CRACDL: variants seen among roughly 807,000 people sequenced by gnomAD.
The protein encoded by CRACDL is CRACD-like protein.
CRACDL carries 26 observed loss-of-function variants against 70.6 expected under a neutral mutation model. The observed-to-expected ratio is 0.37, with a 90% CI of 0.27 to 0.51. The LOEUF (loss-of-function observed/expected upper bound fraction) is 0.51, where lower values mean the gene tolerates loss of function less well. Ranked by LOEUF, CRACDL falls within the 20% of genes least tolerant of loss-of-function variation. The pLI is 0.94. For missense variants in CRACDL, 1,283 were observed against 1,376.9 expected, an observed-to-expected ratio of 0.93 and a Z score of 1.08; for synonymous variants, 618 against 615.2, an observed-to-expected ratio of 1.00 and a Z score of -0.07.
At chr2:98,884,251 G>A (rs944367714) in intron 1 of CRACDL, among the ~76,000 whole-genome samples, 1 of 152,216 alleles carries the variant, frequency 6.6e-6, no homozygotes, top group Non-Finnish European at 1.5e-5. Context: ...CTCCTACACT[G>A]GCCAAATAAC....
chr2:98,813,233 C>G (rs1704644972), intron 7 of CRACDL, among the ~76,000 whole-genome samples: 1 of 152,102 alleles, frequency 6.6e-6, no homozygotes, highest in African/African-American at 2.4e-5. Flanking sequence ...GAGTTTGAGA[C>G]CAGCTTGACC....
rs1349593775 is a variant in CRACDL, at chr2:98,838,131, T to G, written c.227A>C (p.Glu76Ala). The G allele has an allele frequency of 1.9e-6, 3 of 1,606,516 alleles. No homozygotes were observed. Among genetic ancestry groups the G allele is most frequent in the African/African-American group, 1.3e-5 (1 of 74,380 alleles). Residue 76 changes from glutamate (E) to alanine (A), a missense_variant, in exon 3 of 10, where the codon GAG becomes GCG. By Grantham distance (107) the Glu-to-Ala change is moderately radical. This residue lies in a region of CRACDL where 362 missense variants were observed against 495.0 expected (regional missense o/e 0.73). Transcript: ENST00000397899. ...IESGPVGYDS[E>A]DELEESRGTL... ...AAATGCAACTTACTCCAGCTCATCC[T>G]CGGAGTCGTAGCCCACTGGCCCGGA... is the stretch of plus-strand genomic sequence containing the variant.
intron 7 of CRACDL, among the ~76,000 whole-genome samples, chr2:98,819,653 A>G (rs1704939415): frequency 6.6e-6 from 1 of 152,132 alleles, no homozygotes. Context: ...AAGAGCCAGA[A>G]AAGATTAGAC....
At position 98,823,139 on chromosome 2, in the gene CRACDL, T is replaced by C; in HGVS notation, c.1134A>G (p.Ala378=). The C allele has an allele frequency of 6.4e-7, 1 of 1,561,710 alleles. No individual in the cohort carries two copies. The highest frequency in any genetic ancestry group is 1.9e-5 in the Admixed American group (1 of 53,934). The change falls in exon 7 of 10, where the codon GCA becomes GCG. Residue 378 remains alanine, a synonymous_variant. Coordinates refer to ENST00000397899, the MANE Select transcript of CRACDL (RefSeq NM_207362.3). The surrounding 1 kb of genome is among the most constrained non-coding windows in gnomAD (Gnocchi z 4.0). ...TGTCCGTGGCCGGGGCACACGGGCC[T>C]GCGGGGGGCGCCTCCCCATCCTGCT... ...GGKQDGEAPP[A]GPCAPATDKA...
chr2:98,865,947 C>A (rs1707120436), intron 1 of CRACDL, among the ~76,000 whole-genome samples: 1 of 151,752 alleles, frequency 6.6e-6, no homozygotes, highest in South Asian at 2.1e-4. Context: ...ATTACAGGTG[C>A]CCACCACCGA....
In CRACDL at chr2:98,823,307, C is replaced by T. The variant is rs1008651896; in HGVS notation, c.966G>A (p.Val322=). ...LQHSSALTAS[V]EEGGVPGEDP... Reference sequence around the variant, plus strand: ...CCTCCCCGGGGACGCCCCCCTCCTCCACGCTGGCCGTGAGCGCGGAGGAGT... The same window carrying T: ...CCTCCCCGGGGACGCCCCCCTCCTCTACGCTGGCCGTGAGCGCGGAGGAGT... The change falls in exon 7 of 10, where the codon GTG becomes GTA. Residue 322 remains valine, a synonymous_variant. Coordinates refer to ENST00000397899, the MANE Select transcript of CRACDL (RefSeq NM_207362.3). This position sits in a 1 kb window ranked among gnomAD's most constrained non-coding sequence, Gnocchi z 4.0. 2 of 1,438,434 alleles carry T rather than the reference C, an allele frequency of 1.4e-6. No homozygotes were observed. Among genetic ancestry groups the T allele is most frequent in the African/African-American group, 1.5e-5 (1 of 67,080 alleles). The allele number at this position is 1,438,434 out of a possible 1,614,324, so 89.1% of individuals were successfully genotyped here.
At chr2:98,925,269 TGGG>T (rs1229886425) in intron 1 of CRACDL, among the ~76,000 whole-genome samples, 1 of 152,098 alleles carries the variant, frequency 6.6e-6, no homozygotes, top group Non-Finnish European at 1.5e-5. Context: ...TGTGCACACT[TGGG>T]GGGAGGAACT....
At chr2:98,828,349 A>G (rs1246636066) in intron 5 of CRACDL, among the ~76,000 whole-genome samples, 1 of 152,228 alleles carries the variant, frequency 6.6e-6, no homozygotes, top group Non-Finnish European at 1.5e-5. Context: ...GGTGTGCAAT[A>G]TTAGTGTCAA....
chr2:98,833,051 T>G, intron 3 of CRACDL, 54 bp from the exon 4 acceptor site: 1 of 1,531,734 alleles, frequency 6.5e-7, no homozygotes, highest in Non-Finnish European at 8.8e-7. Flanking sequence ...TACTGACCCC[T>G]GGGGGGCTCA....
At chr2:98,866,730 G>A (rs1707162843) in intron 1 of CRACDL, among the ~76,000 whole-genome samples, 3 of 151,362 alleles carry the variant, frequency 2.0e-5, no homozygotes, top group Non-Finnish European at 4.4e-5. Context: ...CTGACCTCAG[G>A]TGATCCCCCG....
intron 7 of CRACDL, among the ~76,000 whole-genome samples, chr2:98,820,564 A>T (rs1704986459): frequency 6.6e-6 from 1 of 152,110 alleles, no homozygotes; most frequent in Non-Finnish European, 1.5e-5. Flanking sequence ...ACAACAAAAA[A>T]CCCAGCAATG....
At position 98,827,184 on chromosome 2, in the gene CRACDL, G is replaced by C; in HGVS notation, c.541-15C>G. ...ACGACAGAGACCTTCGTGGGACAAG[G>C]AACAAACACACGGAGCATGAACTTC... On this transcript the variant is annotated splice_polypyrimidine_tract_variant and intron_variant, in intron 5 of 9. Coordinates refer to ENST00000397899, the MANE Select transcript of CRACDL (RefSeq NM_207362.3). 2 of 1,597,066 alleles carry C rather than the reference G, an allele frequency of 1.3e-6. No homozygotes were observed. Among genetic ancestry groups the C allele is most frequent in the Non-Finnish European group, 1.7e-6 (2 of 1,165,256 alleles).
At chr2:98,911,349 A>G (rs1708543356) in intron 1 of CRACDL, among the ~76,000 whole-genome samples, 1 of 152,178 alleles carries the variant, frequency 6.6e-6, no homozygotes, top group African/African-American at 2.4e-5. Context: ...CGGGGCTGGT[A>G]CCGGCAGAGG....
intron 5 of CRACDL, among the ~76,000 whole-genome samples, chr2:98,831,598 A>C (rs1290140127): frequency 6.6e-6 from 1 of 152,244 alleles, no homozygotes; most frequent in Admixed American, 6.5e-5. Context: ...CTACATGGGA[A>C]GGATGACCAC....
chr2:98,827,312 T>TC, intron 5 of CRACDL, 143 bp from the exon 6 acceptor site: 1 of 624,814 alleles, frequency 1.6e-6, no homozygotes, highest in East Asian at 2.8e-5. Flanking sequence ...CTTTCTTTTT[T>TC]TTTCCCCCAA....
chr2:98,795,067 A>ATTT (rs1559194935), intron 9 of CRACDL, among the ~76,000 whole-genome samples: 2 of 38,064 alleles, frequency 5.3e-5, no homozygotes, highest in Non-Finnish European at 1.0e-4. Context: ...ATATATATAT[A>ATTT]TATATATATA....
At chr2:98,929,517 G>T (rs928145124) in intron 1 of CRACDL, among the ~76,000 whole-genome samples, 2 of 152,166 alleles carry the variant, frequency 1.3e-5, no homozygotes, top group South Asian at 4.1e-4. Context: ...GGAGCCAGGG[G>T]AAGAAACCAT....
At chr2:98,889,335 GAAAGA>G (rs1558624664) in intron 1 of CRACDL, among the ~76,000 whole-genome samples, 2,507 of 115,936 alleles carry the variant, frequency 0.022, 41 homozygotes, top group Middle Eastern at 0.042. Flanking sequence ...AAGAAAGAAA[GAAAGA>G]AAGGAAACAG....
Position 98,847,482 on chromosome 2 carries a change from A to T in CRACDL, c.-10-672T>A, listed in dbSNP as rs373667610. On this transcript the variant is annotated intron_variant, in intron 1 of 9. Coordinates refer to ENST00000397899, the MANE Select transcript of CRACDL (RefSeq NM_207362.3). ...CTCAAGGTATGGCTAATCTTGCTTC[A>T]TCTTTACCCCCACACCCCATCCCAC... Among the ~76,000 whole-genome samples, 21 of 152,332 alleles carry T rather than the reference A, an allele frequency of 1.4e-4. 1 individual carries two copies. The South Asian group carries it at 4.3e-3, about 32-fold the overall frequency.
Sources: gnomAD v4.1 joint callset for allele counts (sites outside exome capture counted in the v4.1 genomes callset) on GRCh38, gnomAD v4.1.1 for gene constraint, gnomAD v4.1.1 regional missense constraint, Gnocchi (gnomAD v3.1) non-coding constraint, MANE v1.5 for transcripts, NCBI Gene and HGNC (gene_info 2026-07-23, HGNC 2026-07-21) for gene names.